Variants in LRIG2 observed in about 807,000 individuals in gnomAD.
The protein encoded by LRIG2 is leucine rich repeats and immunoglobulin like domains 2, also known as leucine-rich repeats and immunoglobulin-like domains protein 2.
LRIG2 carries 93 observed loss-of-function variants against 107.8 expected under a neutral mutation model. The ratio of observed to expected loss-of-function variants is 0.86; its 90% CI spans 0.73 to 1.03. The LOEUF is 1.03. LRIG2 is among the 50% of genes least tolerant of loss of function. The pLI is 0.00. For missense variants in LRIG2, 1,226 were observed against 1,296.0 expected (o/e 0.95, Z 0.83); for synonymous variants, 471 against 470.6 (o/e 1.00, Z -0.01).
intron 2 of LRIG2, 113 bp from the exon 3 acceptor site, chr1:113,093,093 T>C (rs559756757): frequency 4.6e-6 from 3 of 655,308 alleles, no homozygotes; most frequent in Non-Finnish European, 8.0e-6. Flanking sequence ...CTGAGTCATA[T>C]TCTTTTTCAA....
At chr1:113,090,413 C>T (rs1414304816) in intron 1 of LRIG2, among the ~76,000 whole-genome samples, 1 of 152,082 alleles carries the variant, frequency 6.6e-6, no homozygotes, top group Admixed American at 6.6e-5. Flanking sequence ...GCTACACACA[C>T]ATATATAAAT....
At chr1:113,123,259 C>T (rs1557923872) in intron 17 of LRIG2, among the ~76,000 whole-genome samples, 1 of 152,112 alleles carries the variant, frequency 6.6e-6, no homozygotes, top group Non-Finnish European at 1.5e-5. Flanking sequence ...AGTTCTTTTC[C>T]ATGTGTCTAA....
chr1:113,122,440 G>A (rs1387756449), intron 17 of LRIG2, among the ~76,000 whole-genome samples: 3 of 152,140 alleles, frequency 2.0e-5, no homozygotes, highest in Admixed American at 2.0e-4. Flanking sequence ...TCAGAGGAAA[G>A]CACTATTACT....
At position 113,112,515 on chromosome 1, in the gene LRIG2, C is replaced by G; in HGVS notation, c.1835C>G (p.Thr612Ser). 2 of 1,613,072 alleles carry G rather than the reference C, an allele frequency of 1.2e-6. No homozygotes were observed. The highest frequency in any genetic ancestry group is 8.5e-7 in the Non-Finnish European group (1 of 1,179,182). The change falls in exon 14 of 18, where the codon ACT becomes AGT. Residue 612 changes from threonine (T) to serine (S), a missense_variant. Physicochemically the swap from Thr to Ser is moderately conservative, Grantham distance 58. Coordinates refer to ENST00000361127, the MANE Select transcript of LRIG2 (RefSeq NM_014813.3). ...PSFLKTPMDL[T>S]IRTGAMARLE... ...TTTCTGAAAACGCCAATGGATCTGACTATTCGCACTGGTGCCATGGCCAGA... is the reference window on the plus strand; with the variant it reads ...TTTCTGAAAACGCCAATGGATCTGAGTATTCGCACTGGTGCCATGGCCAGA...
Position 113,123,891 on chromosome 1 carries a change from C to T in LRIG2, c.2988C>T (p.Pro996=), listed in dbSNP as rs570546974. 61 of 1,613,956 alleles carry T rather than the reference C, an allele frequency of 3.8e-5. No individual in the cohort carries two copies. The highest frequency in any genetic ancestry group is 2.5e-4 in the African/African-American group (19 of 75,002). ...CATTCTCAGAAACATTGCAGCGGCC[C>T]GTGTGGAACATAAACAGAGAACTAG... is the stretch of plus-strand genomic sequence containing the variant. ...TQMSGETLQR[P]VWNINRELGL... Residue 996 remains proline (P), a synonymous_variant, in exon 18 of 18, where the codon CCC becomes CCT. Transcript: ENST00000361127.
intron 16 of LRIG2, among the ~76,000 whole-genome samples, chr1:113,118,704 G>A (rs1294160720): frequency 1.3e-5 from 2 of 150,702 alleles, no homozygotes; most frequent in South Asian, 2.1e-4. Flanking sequence ...TCGCTGTGTC[G>A]CCCAGGCTGG....
In LRIG2 at chr1:113,116,968, A is replaced by G. The variant is rs139097831; in HGVS notation, c.2680+532A>G. Among the ~76,000 whole-genome samples, 341 of 152,312 alleles carry G rather than the reference A, an allele frequency of 2.2e-3. 1 individual carries two copies. Among genetic ancestry groups the G allele is most frequent in the African/African-American group, 7.8e-3 (326 of 41,560 alleles). On this transcript the variant is annotated intron_variant, in intron 16 of 17. Transcript: ENST00000361127. ...GCCACTGTACTCTAGCCTGGACAAC[A>G]TAGCAAGACTCCCCACCTCTAAAAG...
At chr1:113,120,816 G>T (rs1406925101) in intron 17 of LRIG2, among the ~76,000 whole-genome samples, 2 of 148,130 alleles carry the variant, frequency 1.4e-5, no homozygotes, top group African/African-American at 5.0e-5. Flanking sequence ...GGCCTACTGA[G>T]AAGTTTTTTT....
Position 113,093,428 on chromosome 1 carries a change from A to G in LRIG2, c.381-2A>G. ...AGCTTCATTATAATCTTTGTTTTAC[A>G]GAGTCCATAATATAATCCCAGAAAT... On this transcript the variant is annotated splice_acceptor_variant, in intron 3 of 17. Transcript: ENST00000361127. LOFTEE classifies it high-confidence loss of function. 3.7e-6 allele frequency: 6 copies of G among 1,613,806 alleles called. No homozygotes were observed. The highest frequency in any genetic ancestry group is 5.1e-6 in the Non-Finnish European group (6 of 1,179,876).
chr1:113,076,922 A>G (rs1653004339), intron 1 of LRIG2, among the ~76,000 whole-genome samples: 1 of 152,160 alleles, frequency 6.6e-6, no homozygotes, highest in Non-Finnish European at 1.5e-5. Context: ...CACAGCATTG[A>G]AAGACTAGGT....
At chr1:113,084,856 A>G (rs897952795) in intron 1 of LRIG2, among the ~76,000 whole-genome samples, 1 of 152,214 alleles carries the variant, frequency 6.6e-6, no homozygotes, top group African/African-American at 2.4e-5. Flanking sequence ...AATACTCTGA[A>G]AGCATTCTTA....
chr1:113,107,537 A>C (rs1442138326), intron 11 of LRIG2, 57 bp from the exon 12 acceptor site: 10 of 1,509,726 alleles, frequency 6.6e-6, no homozygotes, highest in Non-Finnish European at 8.1e-6. Flanking sequence ...TTAATACTGA[A>C]GACGTTTAGA....
Position 113,073,651 on chromosome 1 carries a change from T to G in LRIG2, c.239+6T>G. The G allele has an allele frequency of 6.2e-7, 1 of 1,606,914 alleles. No individual in the cohort carries two copies. Among genetic ancestry groups the G allele is most frequent in the Non-Finnish European group, 8.5e-7 (1 of 1,176,732 alleles). On this transcript the variant is annotated splice_donor_region_variant and intron_variant, in intron 1 of 17. Coordinates refer to ENST00000361127, the MANE Select transcript of LRIG2 (RefSeq NM_014813.3). ...CCCCCCGACACCGCTATCCTGTGAGTAGAGCGGCCAGGCAGAGTGACCAAA... is the reference window on the plus strand; with the variant it reads ...CCCCCCGACACCGCTATCCTGTGAGGAGAGCGGCCAGGCAGAGTGACCAAA...
Position 113,112,487 on chromosome 1 carries a change from T to A in LRIG2, c.1807T>A (p.Ser603Thr). The A allele has an allele frequency of 6.3e-7, 1 of 1,597,398 alleles. No homozygotes were observed. Among genetic ancestry groups the A allele is most frequent in the African/African-American group, 1.3e-5 (1 of 74,614 alleles). The part of the protein sequence containing the change: ...KAKLTVNEMP[S>T]FLKTPMDLTI... The stretch of plus-strand genomic sequence containing the variant: ...GATTTTTCTGGAAACAGAGATGCCA[T>A]CTTTTCTGAAAACGCCAATGGATCT... The change falls in exon 14 of 18, where the codon TCT becomes ACT. Residue 603 changes from serine (S) to threonine (T), a missense_variant. Transcript: ENST00000361127.
Position 113,119,425 on chromosome 1 carries a change from A to C in LRIG2, c.2873A>C (p.Glu958Ala), listed in dbSNP as rs557473129. 3.1e-6 allele frequency: 5 copies of C among 1,614,138 alleles called. No homozygotes were observed. The highest frequency in any genetic ancestry group is 1.6e-4 in the Middle Eastern group (1 of 6,062). Residue 958 changes from glutamate to alanine, a missense_variant, in exon 17 of 18, where the codon GAG becomes GCG. Physicochemically the swap from Glu to Ala is moderately radical, Grantham distance 107. Coordinates refer to ENST00000361127, the MANE Select transcript of LRIG2 (RefSeq NM_014813.3). ...CCTCCCCAGGATACTACTGCCCTAG[A>C]GAGCCTGATACCGTCAGCCAACAGA... ...VHPPQDTTAL[E>A]SLIPSANREP...
chr1:113,080,468 C>T (rs1653218339), intron 1 of LRIG2, among the ~76,000 whole-genome samples: 1 of 151,656 alleles, frequency 6.6e-6, no homozygotes, highest in African/African-American at 2.4e-5. Flanking sequence ...CAAGCTCCGC[C>T]TTCCAGGTTC....
At position 113,119,611 on chromosome 1, in the gene LRIG2, C is replaced by CAGGA. The variant is rs1655164487; in HGVS notation, c.2971+91_2971+94dup. On this transcript the variant is annotated intron_variant, in intron 17 of 17. Transcript: ENST00000361127. ...TCATATAGGTAGTGCTCTCATTTGA[C>CAGGA]AGGAAGCAAGCAGATGGGTATATAG... 23 of 1,296,720 alleles carry CAGGA rather than the reference C, an allele frequency of 1.8e-5. No homozygotes were observed. In the South Asian group the frequency reaches 3.3e-4, roughly 18 times the overall value. The allele number at this position is 1,296,720 out of a possible 1,614,324, so 80.3% of individuals were successfully genotyped here. A position where few individuals can be genotyped will look rare whatever the true frequency, so the allele number is the denominator to read the frequency against.
rs965428715 is a variant in LRIG2, at chr1:113,073,237, C to G, written c.-170C>G. On this transcript the variant is annotated 5_prime_UTR_variant, in exon 1 of 18. Transcript: ENST00000361127. Reference sequence around the variant, plus strand: ...CGTCAGGCCGTGTGTCCCAGGCCGTCGACCCCGCTGTCGCGCTGCGTCTGC... The same window carrying G: ...CGTCAGGCCGTGTGTCCCAGGCCGTGGACCCCGCTGTCGCGCTGCGTCTGC... 7.9e-6 allele frequency: 5 copies of G among 634,430 alleles called. 1 individual carries two copies. Among genetic ancestry groups the G allele is most frequent in the South Asian group, 7.5e-5 (4 of 53,310 alleles). The allele number at this position is 634,430 out of a possible 1,614,324, so 39.3% of individuals were successfully genotyped here. A position where few individuals can be genotyped will look rare whatever the true frequency, so the allele number is the denominator to read the frequency against.
At chr1:113,121,265 G>A (rs891299775) in intron 17 of LRIG2, among the ~76,000 whole-genome samples, 9 of 152,174 alleles carry the variant, frequency 5.9e-5, no homozygotes, top group African/African-American at 2.2e-4. Flanking sequence ...GTCTCACATG[G>A]CCCAGGAAAA....
Sources: gnomAD v4.1 joint callset for allele counts (sites outside exome capture counted in the v4.1 genomes callset) on GRCh38, gnomAD v4.1.1 for gene constraint, MANE v1.5 for transcripts, NCBI Gene and HGNC (gene_info 2026-07-23, HGNC 2026-07-21) for gene names.